ITGBL1: variants seen among roughly 807,000 people sequenced by gnomAD.
ITGBL1 encodes the protein integrin beta-like protein 1.
A neutral mutation model predicts 68.5 loss-of-function variants in ITGBL1; 51 were observed. That is an observed-to-expected ratio of 0.74 (90% CI 0.59 to 0.94). The LOEUF is 0.94. Among genes scored for constraint, ITGBL1 ranks in the 40% least tolerant of loss-of-function variants. The pLI is 0.00. For synonymous variants in ITGBL1, 209 were observed against 227.3 expected, an observed-to-expected ratio of 0.92 and a Z score of 0.72; for missense variants, 649 against 647.4, an observed-to-expected ratio of 1.00 and a Z score of -0.03.
intron 2 of ITGBL1, among the ~76,000 whole-genome samples, chr13:101,499,582 CAA>C (rs1314936912): frequency 6.6e-6 from 1 of 152,182 alleles, no homozygotes; most frequent in Non-Finnish European, 1.5e-5. Flanking sequence ...GGAACTGGAG[CAA>C]AGAGAACAAG....
chr13:101,570,656 C>G (rs1034997714), intron 3 of ITGBL1, among the ~76,000 whole-genome samples: 5 of 152,076 alleles, frequency 3.3e-5, no homozygotes, highest in African/African-American at 1.2e-4. Context: ...AAGTGGGAGG[C>G]TTTTATAGGG....
intron 8 of ITGBL1, among the ~76,000 whole-genome samples, chr13:101,693,631 T>TATC (rs1364846788): frequency 8.1e-6 from 1 of 124,038 alleles, no homozygotes; most frequent in African/African-American, 4.0e-5. Flanking sequence ...TCTGTCTATC[T>TATC]ATCTATCTAT....
intron 7 of ITGBL1, among the ~76,000 whole-genome samples, chr13:101,684,089 A>G (rs77996221): frequency 0.039 from 5,987 of 151,936 alleles, 173 homozygotes; most frequent in Non-Finnish European, 0.065. Flanking sequence ...TTTCTTTTTT[A>G]GTTACTTACT....
At chr13:101,531,612 G>A (rs994776404) in intron 2 of ITGBL1, among the ~76,000 whole-genome samples, 4 of 138,174 alleles carry the variant, frequency 2.9e-5, no homozygotes, top group African/African-American at 1.1e-4. Flanking sequence ...TATTTTTTGG[G>A]GGGAGGGGAT....
chr13:101,625,186 A>C (rs922485627), intron 7 of ITGBL1, among the ~76,000 whole-genome samples: 2 of 152,238 alleles, frequency 1.3e-5, no homozygotes, highest in South Asian at 2.1e-4. Context: ...CTGGTGTCAC[A>C]AAGTGACAGA....
intron 7 of ITGBL1, among the ~76,000 whole-genome samples, chr13:101,657,841 T>C (rs2139470298): frequency 6.6e-6 from 1 of 152,320 alleles, no homozygotes; most frequent in South Asian, 2.1e-4. Context: ...AATCTAGTGT[T>C]ACAGCAGTCC....
At chr13:101,609,811 A>G (rs1309486190) in intron 7 of ITGBL1, among the ~76,000 whole-genome samples, 1 of 152,172 alleles carries the variant, frequency 6.6e-6, no homozygotes, top group African/African-American at 2.4e-5. Context: ...CTGTATTACT[A>G]CCAAGTAAGA....
intron 2 of ITGBL1, among the ~76,000 whole-genome samples, chr13:101,459,332 C>G (rs2048286961): frequency 6.6e-6 from 1 of 152,112 alleles, no homozygotes; most frequent in African/African-American, 2.4e-5. Flanking sequence ...TAACAGTATC[C>G]TTATGGATAT....
intron 2 of ITGBL1, among the ~76,000 whole-genome samples, chr13:101,471,938 G>A (rs997472523): frequency 1.2e-4 from 18 of 152,028 alleles, no homozygotes; most frequent in Non-Finnish European, 1.5e-4. Flanking sequence ...TTATTGACAT[G>A]ATCATAAACA....
intron 7 of ITGBL1, among the ~76,000 whole-genome samples, chr13:101,610,686 G>A (rs572121685): frequency 6.6e-6 from 1 of 152,216 alleles, no homozygotes; most frequent in Admixed American, 6.5e-5. Context: ...GCAAAGTTGA[G>A]TAGTGGCCAC....
intron 7 of ITGBL1, among the ~76,000 whole-genome samples, chr13:101,640,187 G>A (rs2032315939): frequency 1.3e-5 from 2 of 152,268 alleles, no homozygotes; most frequent in African/African-American, 2.4e-5. Context: ...AATTATCTGA[G>A]TATAAAGCAT....
Position 101,688,909 on chromosome 13 carries a change from A to G in ITGBL1, c.1016-3676A>G, listed in dbSNP as rs144940676. Among the ~76,000 whole-genome samples the G allele has an allele frequency of 2.2e-3, 330 of 152,132 alleles. 1 individual carries two copies. The highest frequency in any genetic ancestry group is 7.3e-3 in the African/African-American group (301 of 41,478). On this transcript the variant is annotated intron_variant, in intron 7 of 10. Coordinates refer to ENST00000376180, the MANE Select transcript of ITGBL1 (RefSeq NM_004791.3). ...TGTTCAATAAATATTGATTCAAAACATTATGATTGCCGGGCATAGTGGCTC... is the reference window on the plus strand; with the variant it reads ...TGTTCAATAAATATTGATTCAAAACGTTATGATTGCCGGGCATAGTGGCTC...
intron 7 of ITGBL1, among the ~76,000 whole-genome samples, chr13:101,653,698 C>CTT (rs3063728): frequency 0.11 from 16,897 of 150,140 alleles, 1,002 homozygotes; most frequent in South Asian, 0.26. Context: ...GAGAAGGCTT[C>CTT]TTTTTTTTTG....
intron 3 of ITGBL1, among the ~76,000 whole-genome samples, chr13:101,574,642 A>G (rs2050326016): frequency 6.6e-6 from 1 of 152,150 alleles, no homozygotes; most frequent in African/African-American, 2.4e-5. Context: ...AAATAGATAA[A>G]TTAACAAGGA....
At chr13:101,581,644 T>G (rs1349860194) in intron 5 of ITGBL1, among the ~76,000 whole-genome samples, 1 of 152,238 alleles carries the variant, frequency 6.6e-6, no homozygotes, top group East Asian at 1.9e-4. Context: ...TGCTAGGTAG[T>G]CCATATGTGT....
intron 7 of ITGBL1, among the ~76,000 whole-genome samples, chr13:101,644,833 T>C (rs1345675844): frequency 6.6e-6 from 1 of 152,080 alleles, no homozygotes; most frequent in Non-Finnish European, 1.5e-5. Context: ...CTAATGAAAA[T>C]ATTAGAATGT....
At chr13:101,528,325 T>A (rs941809149) in intron 2 of ITGBL1, among the ~76,000 whole-genome samples, 1 of 151,866 alleles carries the variant, frequency 6.6e-6, no homozygotes, top group East Asian at 1.9e-4. Context: ...TTGTGCTCAC[T>A]CTAATTTAGA....
chr13:101,639,527 G>T (rs1317772064), intron 7 of ITGBL1, among the ~76,000 whole-genome samples: 1 of 152,102 alleles, frequency 6.6e-6, no homozygotes, highest in Non-Finnish European at 1.5e-5. Flanking sequence ...ATAAGAAGAA[G>T]TTAAATATTT....
chr13:101,567,767 C>G lies in ITGBL1; in HGVS notation c.385C>G (p.Pro129Ala). 6.2e-7 allele frequency: 1 copy of G among 1,613,214 alleles called. No individual in the cohort carries two copies. The highest frequency in any genetic ancestry group is 8.5e-7 in the Non-Finnish European group (1 of 1,179,446). Residue 129 changes from proline (P) to alanine (A), a missense_variant, in exon 3 of 11, where the codon CCA becomes GCA. Pro to Ala is a conservative substitution (Grantham distance 27). Transcript: ENST00000376180. The stretch of plus-strand genomic sequence containing the variant: ...ATGGTATGGGGATGCTTGCCAGTAC[C>G]CAACTAACTGTGACTTGACAAAGAA... The part of the protein sequence containing the change: ...QGWYGDACQY[P>A]TNCDLTKKKS...
Sources: allele counts gnomAD v4.1 joint callset (sites outside exome capture counted in the v4.1 genomes callset), GRCh38; gene constraint gnomAD v4.1.1; transcripts MANE v1.5; gene names NCBI Gene and HGNC (gene_info 2026-07-23, HGNC 2026-07-21).